Variants in SH3PXD2B observed in about 807,000 individuals in gnomAD.
SH3PXD2B encodes SH3 and PX domain-containing protein 2B.
Under a neutral mutation model 73.1 loss-of-function variants are expected in SH3PXD2B, and 37 were observed. That is an observed-to-expected ratio of 0.51 (90% CI 0.39 to 0.67). SH3PXD2B has a LOEUF of 0.67. Among genes scored for constraint, SH3PXD2B ranks in the 30% least tolerant of loss-of-function variants. SH3PXD2B has a pLI of 0.00. For synonymous variants in SH3PXD2B, 457 were observed against 480.5 expected, an observed-to-expected ratio of 0.95 and a Z score of 0.64; for missense variants, 1,053 against 1,197.8, an observed-to-expected ratio of 0.88 and a Z score of 1.78.
downstream of SH3PXD2B, among the ~76,000 whole-genome samples, chr5:172,329,783 C>T (rs1181448676): frequency 1.5e-4 from 23 of 152,126 alleles, no homozygotes; most frequent in Admixed American, 1.4e-3. Flanking sequence ...GTGATCCGCC[C>T]GCCTCGGCCT....
At chr5:172,369,213 T>TTTTTG (rs373659178) in intron 6 of SH3PXD2B, among the ~76,000 whole-genome samples, 15,893 of 150,910 alleles carry the variant, frequency 0.11, 1,021 homozygotes, top group South Asian at 0.19. Context: ...TTATGTATTT[T>TTTTTG]TTTTGTTTTG....
At position 172,356,268 on chromosome 5, in the gene SH3PXD2B, G is replaced by A. The variant is rs541323149; in HGVS notation, c.668-2263C>T. ...CAACAAGCAGAGAGGTGGTGAGAGA[G>A]TCCCAGATCCTGATGACAGTTTCAA... On this transcript the variant is annotated intron_variant, in intron 8 of 12. Coordinates refer to ENST00000311601, the MANE Select transcript of SH3PXD2B (RefSeq NM_001017995.3). 3.9e-5 allele frequency among the ~76,000 whole-genome samples: 6 copies of A among 152,262 alleles called. No individual in the cohort carries two copies. The East Asian group carries it at 1.2e-3, about 29-fold the overall frequency.
At chr5:172,348,618 CTATCTATGTATCTATCTATG>C (rs1308573116) in intron 10 of SH3PXD2B, among the ~76,000 whole-genome samples, 41 of 133,806 alleles carry the variant, frequency 3.1e-4, no homozygotes, top group African/African-American at 1.2e-3. Flanking sequence ...GCATCTGAAT[CTATCTATGTATCTATCTATG>C]TATCTATCTA....
At chr5:172,447,901 G>A (rs1759709488) in intron 1 of SH3PXD2B, among the ~76,000 whole-genome samples, 1 of 152,184 alleles carries the variant, frequency 6.6e-6, no homozygotes. Context: ...GTGGGGGATG[G>A]GATGGGGGAG....
intron 10 of SH3PXD2B, among the ~76,000 whole-genome samples, chr5:172,349,275 A>G (rs1033712207): frequency 1.3e-5 from 2 of 152,260 alleles, no homozygotes; most frequent in Non-Finnish European, 2.9e-5. Context: ...CGCCAGGGGC[A>G]GTGGCCTCAT....
intron 1 of SH3PXD2B, among the ~76,000 whole-genome samples, chr5:172,428,451 A>G: frequency 6.6e-6 from 1 of 152,218 alleles, no homozygotes; most frequent in East Asian, 1.9e-4. Context: ...ATGCACGGCA[A>G]CTGGAACCCT....
At position 172,334,722 on chromosome 5, in the gene SH3PXD2B, A is replaced by G. The variant is rs1234324941; in HGVS notation, c.*3647T>C. 1.0e-6 allele frequency: 1 copy of G among 984,794 alleles called. No homozygotes were observed. The highest frequency in any genetic ancestry group is 1.8e-5 in the African/African-American group (1 of 57,016). The allele number at this position is 984,794 out of a possible 1,614,324, so 61.0% of individuals were successfully genotyped here. On this transcript the variant is annotated 3_prime_UTR_variant, in exon 13 of 13. Transcript: ENST00000311601. ...GCAGGAGCAGTTTCTTCTTTTTCCC[A>G]CTCTGTGCTGGGTACTTGGGAGAGG...
Position 172,336,318 on chromosome 5 carries a change from G to A in SH3PXD2B, c.*2051C>T. ...TGCCATGGGGCCTCCTCTCAAGGGAGGGGACCCTCAAGCGGTGGCGGCCCT... is the reference window on the plus strand; with the variant it reads ...TGCCATGGGGCCTCCTCTCAAGGGAAGGGACCCTCAAGCGGTGGCGGCCCT... On this transcript the variant is annotated 3_prime_UTR_variant, in exon 13 of 13. Coordinates refer to ENST00000311601, the MANE Select transcript of SH3PXD2B (RefSeq NM_001017995.3). 2.0e-6 allele frequency: 2 copies of A among 985,592 alleles called. No individual in the cohort carries two copies. Among genetic ancestry groups the A allele is most frequent in the Non-Finnish European group, 2.4e-6 (2 of 829,982 alleles). 61.1% of individuals were successfully genotyped at this position (985,592 alleles called of 1,614,324 possible).
intron 12 of SH3PXD2B, among the ~76,000 whole-genome samples, chr5:172,341,147 T>A (rs1004307291): frequency 6.6e-6 from 1 of 152,202 alleles, no homozygotes; most frequent in Admixed American, 6.5e-5. Flanking sequence ...CTCGCTATTA[T>A]GGGCTGAATT....
intron 1 of SH3PXD2B, among the ~76,000 whole-genome samples, chr5:172,426,249 C>G (rs548057566): frequency 2.0e-5 from 3 of 152,186 alleles, no homozygotes; most frequent in Non-Finnish European, 4.4e-5. Flanking sequence ...AATTTTTTAA[C>G]GAGAGCTGCC....
chr5:172,329,083 A>ATATATTTTTTTTTTTT (rs58472514), downstream of SH3PXD2B, among the ~76,000 whole-genome samples: 2 of 61,816 alleles, frequency 3.2e-5, no homozygotes, highest in African/African-American at 1.6e-4. Context: ...ATATATATAT[A>ATATATTTTTTTTTTTT]TTTTTTTTTT....
intron 8 of SH3PXD2B, among the ~76,000 whole-genome samples, chr5:172,357,981 TGTTCTAG>T (rs1482315486): frequency 6.6e-6 from 1 of 152,248 alleles, no homozygotes; most frequent in Non-Finnish European, 1.5e-5. Context: ...GGTCATTTAT[TGTTCTAG>T]GTTCTTTGCA....
chr5:172,421,557 G>T lies in SH3PXD2B; in HGVS notation c.156+859C>A, dbSNP rs1387961902. Among the ~76,000 whole-genome samples the T allele has an allele frequency of 6.6e-6, 1 of 152,310 alleles. No homozygotes were observed. Among genetic ancestry groups the T allele is most frequent in the Middle Eastern group, 3.4e-3 (1 of 294 alleles). ...CAAGCAGACAGCTTCAATACAGAGA[G>T]ACACACAGAGCTGTAGGGGCACAGA... On this transcript the variant is annotated intron_variant, in intron 2 of 12. Transcript: ENST00000311601. The surrounding 1 kb of genome is among the most constrained non-coding windows in gnomAD (Gnocchi z 4.0).
intron 3 of SH3PXD2B, among the ~76,000 whole-genome samples, chr5:172,403,116 G>A (rs1758463293): frequency 1.3e-5 from 2 of 152,248 alleles, no homozygotes; most frequent in Admixed American, 6.5e-5. Context: ...AGGGTGAGCC[G>A]ATTGCCTTCC....
At position 172,336,127 on chromosome 5, in the gene SH3PXD2B, C is replaced by T. The variant is rs1028666973; in HGVS notation, c.*2242G>A. 2 of 987,480 alleles carry T rather than the reference C, an allele frequency of 2.0e-6. No homozygotes were observed. The highest frequency in any genetic ancestry group is 2.4e-6 in the Non-Finnish European group (2 of 831,430). The allele number at this position is 987,480 out of a possible 1,614,324, so 61.2% of individuals were successfully genotyped here. A position where few individuals can be genotyped will look rare whatever the true frequency, so the allele number is the denominator to read the frequency against. ...GGAGCCACACACATCCCAGTCTACT[C>T]AGCACCTAGCACAGAGTAGACACTC... On this transcript the variant is annotated 3_prime_UTR_variant, in exon 13 of 13. Transcript: ENST00000311601.
At chr5:172,420,492 A>G (rs1380870802) in intron 2 of SH3PXD2B, among the ~76,000 whole-genome samples, 2 of 151,818 alleles carry the variant, frequency 1.3e-5, no homozygotes, top group Non-Finnish European at 1.5e-5. Flanking sequence ...GGAGCAGATT[A>G]GGTCAGAATA....
chr5:172,357,359 G>A (rs1178390692), intron 8 of SH3PXD2B, among the ~76,000 whole-genome samples: 1 of 151,898 alleles, frequency 6.6e-6, no homozygotes, highest in African/African-American at 2.4e-5. Context: ...AGGAGGCGGA[G>A]GTCGCAGTGA....
At chr5:172,348,654 C>CTATCCTATCTATCTATCTGTCTGTCTGT (rs1440672001) in intron 10 of SH3PXD2B, among the ~76,000 whole-genome samples, 1 of 60,398 alleles carries the variant, frequency 1.7e-5, no homozygotes, top group African/African-American at 6.3e-5. Context: ...ATCTATCTAT[C>CTATCCTATCTATCTATCTGTCTGTCTGT]CTATCTATCT....
Position 172,334,270 on chromosome 5 carries a change from G to T in SH3PXD2B, c.*4099C>A. 9.8e-7 allele frequency: 1 copy of T among 1,018,294 alleles called. No individual in the cohort carries two copies. The highest frequency in any genetic ancestry group is 1.7e-5 in the African/African-American group (1 of 57,534). 63.1% of individuals were successfully genotyped at this position (1,018,294 alleles called of 1,614,324 possible). A position where few individuals can be genotyped will look rare whatever the true frequency, so the allele number is the denominator to read the frequency against. ...TGCTCTGAAGGAGGTCCATGAGCAG[G>T]CAAGGACTGTGGAGCCTCCGGTTCC... is the stretch of plus-strand genomic sequence containing the variant. On this transcript the variant is annotated 3_prime_UTR_variant, in exon 13 of 13. Coordinates refer to ENST00000311601, the MANE Select transcript of SH3PXD2B (RefSeq NM_001017995.3).
Sources: allele counts gnomAD v4.1 joint callset (sites outside exome capture counted in the v4.1 genomes callset), GRCh38; gene constraint gnomAD v4.1.1; non-coding constraint Gnocchi (gnomAD v3.1); transcripts MANE v1.5; gene names NCBI Gene and HGNC (gene_info 2026-07-23, HGNC 2026-07-21).